DLG3: variants seen among roughly 807,000 people sequenced by gnomAD.
DLG3 encodes discs large MAGUK scaffold protein 3, also known as disks large homolog 3.
DLG3 carries 1 observed loss-of-function variant against 64.1 expected under a neutral mutation model. The ratio of observed to expected loss-of-function variants is 0.02; its 90% CI spans 0.01 to 0.07. DLG3 has a LOEUF of 0.07. DLG3 is among the 10% of genes least tolerant of loss of function. The probability of loss-of-function intolerance (pLI) is 1.00; values close to 1 mark genes in which losing one functional copy is unlikely to be tolerated. For missense variants in DLG3, 429 were observed against 669.5 expected, an observed-to-expected ratio of 0.64 and a Z score of 3.96; for synonymous variants, 245 against 259.8, an observed-to-expected ratio of 0.94 and a Z score of 0.55.
rs2086886183 is a variant in DLG3 at position 70,466,294 on chromosome X, TGG to T, written c.1405+11979_1405+11980del. Among the ~76,000 whole-genome samples the T allele has an allele frequency of 3.0e-5, 3 of 99,906 alleles. No homozygotes were observed. In the Admixed American group the frequency reaches 3.4e-4, roughly 11 times the overall value. 86.8% of individuals were successfully genotyped at this position (99,906 alleles called of 115,157 possible). A position where few individuals can be genotyped will look rare whatever the true frequency, so the allele number is the denominator to read the frequency against. On this transcript the variant is annotated intron_variant, in intron 9 of 18. Coordinates refer to ENST00000374360, the MANE Select transcript of DLG3 (RefSeq NM_021120.4). Reference sequence around the variant, plus strand: ...GTGTGTGTGTGTGTGTGTGTGTGTGTGGATTGCCTGTTCATACCCTTTCCCCA... The same window carrying T: ...GTGTGTGTGTGTGTGTGTGTGTGTGTATTGCCTGTTCATACCCTTTCCCCA...
Position 70,445,485 on chromosome X carries a change from C to A in DLG3, c.284C>A (p.Thr95Asn), listed in dbSNP as rs746141766. ...VPPKPVPGKS[T>N]PKLNGSGPSW... ...CCTAAGCCAGTCCCGGGCAAGAGCA[C>A]CCCCAAACTCAACGGCAGCGGCCCC... Residue 95 changes from threonine to asparagine, a missense_variant, in exon 1 of 19, where the codon ACC becomes AAC. Thr to Asn is a moderately conservative substitution (Grantham distance 65). Transcript: ENST00000374360. 9.2e-6 allele frequency: 11 copies of A among 1,199,515 alleles called. No individual in the cohort carries two copies. The highest frequency in any genetic ancestry group is 3.5e-5 in the African/African-American group (2 of 57,262).
At chrX:70,454,439 C>T (rs1029728229) in intron 9 of DLG3, 123 bp downstream of exon 9, 1 of 575,362 alleles carries the variant, frequency 1.7e-6, no homozygotes, top group East Asian at 3.6e-5. Context: ...GAGCAGTAAC[C>T]TCTTCCTCTC....
At chrX:70,479,922 C>G (rs950073198) in intron 10 of DLG3, among the ~76,000 whole-genome samples, 1 of 111,679 alleles carries the variant, frequency 9.0e-6, no homozygotes, top group African/African-American at 3.3e-5. Context: ...TTCTCTGACC[C>G]TTGAGGCATA....
intron 10 of DLG3, among the ~76,000 whole-genome samples, chrX:70,483,534 A>G (rs1019680554): frequency 1.8e-5 from 2 of 112,204 alleles, no homozygotes; most frequent in African/African-American, 3.2e-5. Flanking sequence ...TCCCTATGAC[A>G]TGATTATTTT....
chrX:70,485,321 C>T (rs961513259), intron 10 of DLG3, among the ~76,000 whole-genome samples: 2 of 111,937 alleles, frequency 1.8e-5, no homozygotes. Context: ...ATTAAAAAAA[C>T]CTTGCAAGAA....
rs778146352 is a variant in DLG3, at chrX:70,449,493, C to T, written c.533+10C>T. On this transcript the variant is annotated intron_variant, in intron 3 of 18. Coordinates refer to ENST00000374360, the MANE Select transcript of DLG3 (RefSeq NM_021120.4). ...TGGATGGGAGGCTGGGGTGAGATGG[C>T]CTGGAAGCAGGGTTGTGGGTGGCAG... The T allele has an allele frequency of 8.3e-7, 1 of 1,208,946 alleles. No individual in the cohort carries two copies.
chrX:70,448,723 C>G, intron 1 of DLG3, 190 bp from the exon 2 acceptor site: 1 of 1,016,505 alleles, frequency 9.8e-7, no homozygotes, highest in Non-Finnish European at 1.4e-6. Flanking sequence ...GGAAGCAAAG[C>G]AGGGATTGGT....
rs1046686534 is a variant in DLG3 at position 70,471,625 on chromosome X, A to G, written c.1406-7525A>G. On this transcript the variant is annotated intron_variant, in intron 9 of 18. Transcript: ENST00000374360. Reference sequence around the variant, plus strand: ...GAGGACATTCTTGAGATCATTCTTCATTATGGCTGATATTATCCCACCTTT... The same window carrying G: ...GAGGACATTCTTGAGATCATTCTTCGTTATGGCTGATATTATCCCACCTTT... Among the ~76,000 whole-genome samples, 12 of 111,834 alleles carry G rather than the reference A, an allele frequency of 1.1e-4. No homozygotes were observed. In the East Asian group the frequency reaches 3.4e-3, roughly 31 times the overall value.
intron 9 of DLG3, among the ~76,000 whole-genome samples, chrX:70,463,310 G>A (rs2086835188): frequency 9.1e-6 from 1 of 110,063 alleles, no homozygotes; most frequent in African/African-American, 3.3e-5. Flanking sequence ...ACCATGCCCA[G>A]CAAATTTTTT....
In DLG3 at chrX:70,502,544, A is replaced by G. The variant is rs1923726973; in HGVS notation, c.*275A>G. ...TTTCCCAAGCGCTAGCACAGGTGCA[A>G]AATCCATCAGAGCCATTGTTTTCAT... is the stretch of plus-strand genomic sequence containing the variant. On this transcript the variant is annotated 3_prime_UTR_variant, in exon 19 of 19. Coordinates refer to ENST00000374360, the MANE Select transcript of DLG3 (RefSeq NM_021120.4). The G allele has an allele frequency of 3.6e-6, 1 of 276,335 alleles. No individual in the cohort carries two copies. The highest frequency in any genetic ancestry group is 6.5e-6 in the Non-Finnish European group (1 of 155,035). The allele number at this position is 276,335 out of a possible 1,213,427, so 22.8% of individuals were successfully genotyped here. A position where few individuals can be genotyped will look rare whatever the true frequency, so the allele number is the denominator to read the frequency against.
intron 9 of DLG3, among the ~76,000 whole-genome samples, chrX:70,465,550 GA>G (rs1267739476): frequency 8.9e-6 from 1 of 111,829 alleles, no homozygotes; most frequent in Non-Finnish European, 1.9e-5. Flanking sequence ...TAGATTTGTG[GA>G]AAATTGGAAA....
At chrX:70,487,526 CT>C (rs199738091) in intron 10 of DLG3, among the ~76,000 whole-genome samples, 3,059 of 112,086 alleles carry the variant, frequency 0.027, 55 homozygotes, top group Middle Eastern at 0.11. Flanking sequence ...GTTTGTCCTC[CT>C]TTTGGGCTTC....
chrX:70,479,787 T>C (rs1344840007), intron 10 of DLG3, among the ~76,000 whole-genome samples: 1 of 111,300 alleles, frequency 9.0e-6, no homozygotes, highest in African/African-American at 3.3e-5. Flanking sequence ...TGGTCTGCTG[T>C]ATCTATGAAT....
At chrX:70,456,938 AAATGAAT>A (rs756554312) in intron 9 of DLG3, among the ~76,000 whole-genome samples, 1 of 112,037 alleles carries the variant, frequency 8.9e-6, no homozygotes, top group South Asian at 3.8e-4. Context: ...GGTATTTACA[AAATGAAT>A]AATCCAAATA....
intron 9 of DLG3, among the ~76,000 whole-genome samples, chrX:70,466,901 A>G (rs1280388017): frequency 1.8e-5 from 2 of 110,176 alleles, no homozygotes; most frequent in African/African-American, 6.6e-5. Flanking sequence ...GTTATTTAAT[A>G]TTTTTGTTTT....
chrX:70,463,716 G>T (rs1361002517), intron 9 of DLG3, among the ~76,000 whole-genome samples: 1 of 111,763 alleles, frequency 8.9e-6, no homozygotes, highest in Non-Finnish European at 1.9e-5. Context: ...GTAGCTGAAT[G>T]ATCTTAGACT....
rs913252874 is a variant in DLG3 at position 70,503,094 on chromosome X, T to C, written c.*825T>C. 1 of 110,951 alleles carries C rather than the reference T, an allele frequency of 9.0e-6. No individual in the cohort carries two copies. Among genetic ancestry groups the C allele is most frequent in the Non-Finnish European group, 1.9e-5 (1 of 52,964 alleles). 9.1% of individuals were successfully genotyped at this position (110,951 alleles called of 1,213,427 possible). ...TGCCTGGGGTGAGAGGGTGAGAGAC[T>C]TGACCTGAAAGCAGCTGCTGCCCCT... On this transcript the variant is annotated 3_prime_UTR_variant, in exon 19 of 19. Coordinates refer to ENST00000374360, the MANE Select transcript of DLG3 (RefSeq NM_021120.4).
Position 70,444,999 on chromosome X carries a change from G to A in DLG3, c.-203G>A, listed in dbSNP as rs1171965702. The A allele has an allele frequency of 3.9e-6, 1 of 258,367 alleles. No individual in the cohort carries two copies. The highest frequency in any genetic ancestry group is 2.9e-5 in the African/African-American group (1 of 34,616). The allele number at this position is 258,367 out of a possible 1,213,427, so 21.3% of individuals were successfully genotyped here. On this transcript the variant is annotated 5_prime_UTR_variant, in exon 1 of 19. Transcript: ENST00000374360. The stretch of plus-strand genomic sequence containing the variant: ...GAGGGGGAGCCGTGGGTGCGGGGCA[G>A]CGTGGGGGCCGAGGCCCCGGGACGC...
intron 10 of DLG3, among the ~76,000 whole-genome samples, chrX:70,490,535 G>T (rs2087340418): frequency 8.9e-6 from 1 of 111,938 alleles, no homozygotes; most frequent in African/African-American, 3.3e-5. Flanking sequence ...TTAGAGTTTG[G>T]GTATTTTCAT....
Sources: gnomAD v4.1 joint callset for allele counts (sites outside exome capture counted in the v4.1 genomes callset) on GRCh38, gnomAD v4.1.1 for gene constraint, MANE v1.5 for transcripts, NCBI Gene and HGNC (gene_info 2026-07-23, HGNC 2026-07-21) for gene names.